The following CCDC3 variants were observed in gnomAD, a reference collection of about 807,000 sequenced individuals.
CCDC3 encodes the protein coiled-coil domain-containing protein 3.
Under a neutral mutation model 21.4 loss-of-function variants are expected in CCDC3, and 24 were observed. The ratio of observed to expected loss-of-function variants is 1.12; its 90% CI spans 0.81 to 1.58. The LOEUF (loss-of-function observed/expected upper bound fraction) is 1.58, where lower values mean the gene tolerates loss of function less well. CCDC3 is among the 40% of genes most tolerant of loss of function. CCDC3 has a pLI of 0.00. For missense variants in CCDC3, 425 were observed against 360.9 expected, an observed-to-expected ratio of 1.18 and a Z score of -1.44; for synonymous variants, 186 against 166.0, an observed-to-expected ratio of 1.12 and a Z score of -0.93.
At chr10:12,929,000 A>C (rs1834594246) in intron 2 of CCDC3, among the ~76,000 whole-genome samples, 1 of 152,184 alleles carries the variant, frequency 6.6e-6, no homozygotes, top group African/African-American at 2.4e-5. Flanking sequence ...CAGATGGCTC[A>C]TGCCTGTAAT....
At chr10:13,056,461 C>T (rs926333884) in intron 4 of CCDC3, among the ~76,000 whole-genome samples, 8 of 152,284 alleles carry the variant, frequency 5.3e-5, no homozygotes, top group African/African-American at 1.2e-4. Flanking sequence ...CCCACTCGTC[C>T]GGAACCACAT....
At chr10:12,931,429 A>C (rs561708137) in intron 2 of CCDC3, among the ~76,000 whole-genome samples, 6 of 152,230 alleles carry the variant, frequency 3.9e-5, no homozygotes, top group African/African-American at 1.4e-4. Flanking sequence ...CGTTTCCCAA[A>C]CTTCCTTGTA....
At chr10:12,948,757 G>A (rs1270064639) in intron 2 of CCDC3, among the ~76,000 whole-genome samples, 3 of 83,806 alleles carry the variant, frequency 3.6e-5, no homozygotes, top group African/African-American at 1.4e-4. Flanking sequence ...TTTTGAGACA[G>A]AGTCTTGCTC....
chr10:13,026,440 T>A (rs374296027), intron 5 of CCDC3, among the ~76,000 whole-genome samples: 1 of 152,348 alleles, frequency 6.6e-6, no homozygotes, highest in African/African-American at 2.4e-5. Context: ...GTGTAGTTTT[T>A]AAATGGGAGT....
chr10:12,917,362 T>A (rs1335257119), intron 2 of CCDC3, among the ~76,000 whole-genome samples: 2 of 151,322 alleles, frequency 1.3e-5, no homozygotes, highest in African/African-American at 4.9e-5. Context: ...CCCGGCTAAT[T>A]TTTTTTTGTA....
chr10:13,090,063 A>ACCGTTTCTTTCTTTTTTTTT (rs1564345350), intron 3 of CCDC3, among the ~76,000 whole-genome samples: 2 of 56,942 alleles, frequency 3.5e-5, no homozygotes, highest in African/African-American at 7.4e-5. Flanking sequence ...ATATATATAT[A>ACCGTTTCTTTCTTTTTTTTT]TATATATATA....
intron 3 of CCDC3, among the ~76,000 whole-genome samples, chr10:13,075,135 A>C (rs1419561163): frequency 6.6e-6 from 1 of 152,226 alleles, no homozygotes; most frequent in African/African-American, 2.4e-5. Flanking sequence ...ACATCCCTTT[A>C]TAACAAATCA....
chr10:12,954,729 C>T (rs1835058611), intron 2 of CCDC3, among the ~76,000 whole-genome samples: 1 of 152,216 alleles, frequency 6.6e-6, no homozygotes, highest in Admixed American at 6.5e-5. Context: ...ACCCAAACAC[C>T]TTCCATTAGG....
At chr10:12,979,295 G>C (rs900503665) in intron 2 of CCDC3, among the ~76,000 whole-genome samples, 1 of 152,056 alleles carries the variant, frequency 6.6e-6, no homozygotes, top group African/African-American at 2.4e-5. Context: ...GATTTACTGA[G>C]TGTTCATCAG....
At chr10:13,098,900 A>G (rs1832672115) in intron 2 of CCDC3, among the ~76,000 whole-genome samples, 1 of 151,692 alleles carries the variant, frequency 6.6e-6, no homozygotes, top group African/African-American at 2.4e-5. Flanking sequence ...TATTTTTAGT[A>G]GAGACAGGCT....
chr10:13,068,270 T>C (rs1836845435), intron 4 of CCDC3, among the ~76,000 whole-genome samples: 1 of 152,062 alleles, frequency 6.6e-6, no homozygotes. Flanking sequence ...AATAATCCAA[T>C]TAGGAGATTG....
intron 2 of CCDC3, among the ~76,000 whole-genome samples, chr10:12,976,319 CA>C (rs1367823130): frequency 6.6e-6 from 1 of 152,218 alleles, no homozygotes; most frequent in Non-Finnish European, 1.5e-5. Flanking sequence ...CACTCACACA[CA>C]GAGCATCTAC....
chr10:13,080,002 AG>A (rs1837015767), intron 3 of CCDC3, among the ~76,000 whole-genome samples: 1 of 152,260 alleles, frequency 6.6e-6, no homozygotes, highest in East Asian at 1.9e-4. Context: ...AAGTGCTATA[AG>A]GGCTGTGGAT....
At chr10:13,058,998 A>G (rs1836718277) in intron 4 of CCDC3, among the ~76,000 whole-genome samples, 1 of 152,204 alleles carries the variant, frequency 6.6e-6, no homozygotes, top group Admixed American at 6.5e-5. Context: ...TTTTACAGAA[A>G]AAAACAAAAC....
Position 13,085,152 on chromosome 10 carries a change from C to A in CCDC3, c.-502-11052G>T, listed in dbSNP as rs1244860951. 4.6e-5 allele frequency among the ~76,000 whole-genome samples: 7 copies of A among 152,242 alleles called. No individual in the cohort carries two copies. The East Asian group carries it at 1.4e-3, about 29-fold the overall frequency. On this transcript the variant is annotated intron_variant, in intron 3 of 6. Transcript: ENST00000378839. ...TCCAGGCAAACTGCCACCACCACCC[C>A]AGCAACCTGAGATCAAGGCACTGGA...
Position 13,060,467 on chromosome 10 carries a change from C to T in CCDC3, c.-269-10526G>A, listed in dbSNP as rs1588410629. Among the ~76,000 whole-genome samples, 3 of 152,204 alleles carry T rather than the reference C, an allele frequency of 2.0e-5. No homozygotes were observed. The South Asian group carries it at 6.2e-4, about 32-fold the overall frequency. Reference sequence around the variant, plus strand: ...GAGGTGGGAGGGATATCAGGAGTAACAAGAGTCCCCAAGGCCAAAGGAAAA... The same window carrying T: ...GAGGTGGGAGGGATATCAGGAGTAATAAGAGTCCCCAAGGCCAAAGGAAAA... On this transcript the variant is annotated intron_variant, in intron 4 of 6. Transcript: ENST00000378839.
At chr10:12,971,950 G>T (rs978192679) in intron 2 of CCDC3, among the ~76,000 whole-genome samples, 1 of 152,080 alleles carries the variant, frequency 6.6e-6, no homozygotes, top group South Asian at 2.1e-4. Context: ...GCCTCCCAAA[G>T]TGCTGCGATT....
intron 5 of CCDC3, among the ~76,000 whole-genome samples, chr10:13,011,970 G>T (rs1835988930): frequency 2.0e-5 from 3 of 152,286 alleles, no homozygotes; most frequent in South Asian, 4.2e-4. Context: ...TTCAACAAAT[G>T]GTGCTGGGAT....
chr10:13,095,039 A>G (rs955126118), intron 3 of CCDC3, among the ~76,000 whole-genome samples: 16 of 152,132 alleles, frequency 1.1e-4, no homozygotes, highest in Admixed American at 1.3e-4. Context: ...CTTCAACCAT[A>G]CACCTTGCTT....
Sources: gnomAD v4.1 joint callset for allele counts (sites outside exome capture counted in the v4.1 genomes callset) on GRCh38, gnomAD v4.1.1 for gene constraint, MANE v1.5 for transcripts, NCBI Gene and HGNC (gene_info 2026-07-23, HGNC 2026-07-21) for gene names.